Variants in NCKAP5 observed in about 807,000 individuals in gnomAD.
The protein encoded by NCKAP5 is NCK associated protein 5, also known as nck-associated protein 5.
Under a neutral mutation model 167.0 loss-of-function variants are expected in NCKAP5, and 92 were observed. The observed-to-expected ratio is 0.55, with a 90% CI of 0.47 to 0.66. The LOEUF (loss-of-function observed/expected upper bound fraction) is 0.66, where lower values mean the gene tolerates loss of function less well. NCKAP5 is among the 30% of genes least tolerant of loss of function. The pLI is 0.00. For missense variants in NCKAP5, 2,378 were observed against 2,315.0 expected, an observed-to-expected ratio of 1.03 and a Z score of -0.56; for synonymous variants, 891 against 877.4, an observed-to-expected ratio of 1.02 and a Z score of -0.27.
At chr2:132,856,393 G>A (rs1008199945) in intron 11 of NCKAP5, among the ~76,000 whole-genome samples, 1 of 152,012 alleles carries the variant, frequency 6.6e-6, no homozygotes. Context: ...TGGAAATAAT[G>A]ATATAAAACA....
intron 16 of NCKAP5, among the ~76,000 whole-genome samples, chr2:132,754,397 A>G (rs776751106): frequency 2.0e-5 from 3 of 152,228 alleles, no homozygotes; most frequent in Admixed American, 6.5e-5. Flanking sequence ...TATTCAAGCA[A>G]GACAATAATG....
intron 19 of NCKAP5, among the ~76,000 whole-genome samples, chr2:132,711,298 C>T (rs893704444): frequency 5.3e-5 from 8 of 152,172 alleles, no homozygotes; most frequent in African/African-American, 1.7e-4. Flanking sequence ...TTGGTCACTG[C>T]ATCACACCAG....
At chr2:133,424,127 A>C (rs1689645463) in intron 3 of NCKAP5, among the ~76,000 whole-genome samples, 1 of 152,210 alleles carries the variant, frequency 6.6e-6, no homozygotes, top group Admixed American at 6.5e-5. Context: ...CTGAAACTAA[A>C]GTGATGGATT....
chr2:132,769,443 G>T (rs1681827915), intron 16 of NCKAP5, among the ~76,000 whole-genome samples: 1 of 152,140 alleles, frequency 6.6e-6, no homozygotes, highest in Non-Finnish European at 1.5e-5. Flanking sequence ...AACATATTAT[G>T]GTTATAAAAT....
At chr2:132,729,154 C>T (rs1343075574) in intron 17 of NCKAP5, among the ~76,000 whole-genome samples, 1 of 152,160 alleles carries the variant, frequency 6.6e-6, no homozygotes, top group Non-Finnish European at 1.5e-5. Flanking sequence ...TATAGAAGCC[C>T]CTTTTCAAGA....
At chr2:133,609,049 A>G in the NCKAP5 span, among the ~76,000 whole-genome samples, 1 of 152,238 alleles carries the variant, frequency 6.6e-6, no homozygotes, top group Non-Finnish European at 1.5e-5. Flanking sequence ...TGAATGTAAC[A>G]TTCCCTTAAG....
At chr2:133,067,329 T>A (rs1039000031) in intron 6 of NCKAP5, among the ~76,000 whole-genome samples, 1 of 152,260 alleles carries the variant, frequency 6.6e-6, no homozygotes, top group African/African-American at 2.4e-5. Context: ...TAATGCTACT[T>A]AAATTTATGT....
chr2:133,479,870 G>C (rs550315671), intron 3 of NCKAP5, among the ~76,000 whole-genome samples: 3 of 151,906 alleles, frequency 2.0e-5, no homozygotes, highest in Non-Finnish European at 4.4e-5. Flanking sequence ...ATGTCACTCT[G>C]AGAAACTTAG....
At chr2:133,447,839 T>C (rs979918649) in intron 3 of NCKAP5, among the ~76,000 whole-genome samples, 1 of 152,132 alleles carries the variant, frequency 6.6e-6, no homozygotes, top group Non-Finnish European at 1.5e-5. Flanking sequence ...CTTGCATCTC[T>C]ACCTGTGGCC....
intron 3 of NCKAP5, among the ~76,000 whole-genome samples, chr2:133,450,267 T>A (rs148312695): frequency 9.5e-4 from 145 of 152,344 alleles, no homozygotes; most frequent in African/African-American, 3.4e-3. Context: ...TAATGTCAAC[T>A]TGAGTCATTT....
At chr2:133,456,425 G>A (rs1336765620) in intron 3 of NCKAP5, among the ~76,000 whole-genome samples, 1 of 152,092 alleles carries the variant, frequency 6.6e-6, no homozygotes, top group East Asian at 1.9e-4. Flanking sequence ...ATTGTGACCT[G>A]AAGTGACCTT....
At chr2:132,876,643 CAG>C (rs1691303644) in intron 9 of NCKAP5, among the ~76,000 whole-genome samples, 1 of 152,164 alleles carries the variant, frequency 6.6e-6, no homozygotes, top group Admixed American at 6.5e-5. Context: ...CATGTGTAAT[CAG>C]GGGTCAGTAT....
chr2:132,721,678 C>G (rs1379537697), intron 19 of NCKAP5, among the ~76,000 whole-genome samples: 3 of 152,318 alleles, frequency 2.0e-5, no homozygotes, highest in East Asian at 1.9e-4. Context: ...TCCTTTAATG[C>G]CCCTTCCTAG....
At chr2:133,631,868 TG>T in the NCKAP5 span, among the ~76,000 whole-genome samples, 1 of 152,180 alleles carries the variant, frequency 6.6e-6, no homozygotes, top group East Asian at 1.9e-4. Context: ...TGGGCTTTAC[TG>T]GGGTGGAGAA....
At chr2:133,364,144 A>C (rs1361121372) in intron 3 of NCKAP5, among the ~76,000 whole-genome samples, 1 of 152,170 alleles carries the variant, frequency 6.6e-6, no homozygotes, top group African/African-American at 2.4e-5. Flanking sequence ...AGGTTCAGGA[A>C]AACTAACAGA....
chr2:133,470,536 C>A (rs1235875822), intron 3 of NCKAP5, among the ~76,000 whole-genome samples: 1 of 152,224 alleles, frequency 6.6e-6, no homozygotes, highest in Non-Finnish European at 1.5e-5. Flanking sequence ...TGGTGGGCTC[C>A]ACCCAGTTCG....
intron 6 of NCKAP5, among the ~76,000 whole-genome samples, chr2:133,051,773 T>C (rs973265646): frequency 2.0e-5 from 3 of 152,226 alleles, no homozygotes; most frequent in African/African-American, 2.4e-5. Flanking sequence ...TAAGTTACTA[T>C]CAAAAATGTT....
intron 6 of NCKAP5, among the ~76,000 whole-genome samples, chr2:133,014,957 T>C (rs908373366): frequency 1.3e-5 from 2 of 152,240 alleles, no homozygotes; most frequent in African/African-American, 4.8e-5. Context: ...GACAGTTTTA[T>C]ATGGTTCAAC....
chr2:133,293,726 G>T (rs1351063865), intron 4 of NCKAP5, among the ~76,000 whole-genome samples: 1 of 152,180 alleles, frequency 6.6e-6, no homozygotes, highest in Admixed American at 6.5e-5. Flanking sequence ...AATTTCGAGA[G>T]CCCTGGTTTC....
Sources: allele counts gnomAD v4.1 joint callset (sites outside exome capture counted in the v4.1 genomes callset), GRCh38; gene constraint gnomAD v4.1.1; transcripts MANE v1.5; gene names NCBI Gene and HGNC (gene_info 2026-07-23, HGNC 2026-07-21).